Variants in SLC2A13 observed in about 807,000 individuals in gnomAD.
The protein encoded by SLC2A13 is proton myo-inositol cotransporter.
A neutral mutation model predicts 64.4 loss-of-function variants in SLC2A13; 32 were observed. The observed-to-expected ratio is 0.50, with a 90% CI of 0.37 to 0.67. The LOEUF is 0.67. Ranked by LOEUF, SLC2A13 falls within the 30% of genes least tolerant of loss-of-function variation. SLC2A13 has a pLI of 0.00. For synonymous variants in SLC2A13, 338 were observed against 327.1 expected (o/e 1.03, Z -0.36); for missense variants, 743 against 829.2 (o/e 0.90, Z 1.28).
At chr12:40,060,078 C>T (rs572176641) in intron 1 of SLC2A13, among the ~76,000 whole-genome samples, 20 of 151,510 alleles carry the variant, frequency 1.3e-4, no homozygotes, top group South Asian at 6.3e-4. Context: ...TATTAATGGA[C>T]GGATGGATGG....
intron 7 of SLC2A13, among the ~76,000 whole-genome samples, chr12:39,786,443 T>G (rs1167295196): frequency 2.1e-5 from 2 of 97,350 alleles, no homozygotes; most frequent in African/African-American, 7.8e-5. Context: ...TTCCCAGTTT[T>G]CAGTATGTCT....
chr12:39,932,619 C>T (rs989020671), intron 4 of SLC2A13, among the ~76,000 whole-genome samples: 31 of 151,874 alleles, frequency 2.0e-4, no homozygotes, highest in African/African-American at 5.8e-4. Flanking sequence ...ATAAACATGA[C>T]GGGAAAAAAT....
intron 3 of SLC2A13, among the ~76,000 whole-genome samples, chr12:40,001,735 G>T (rs530561672): frequency 1.4e-4 from 21 of 152,256 alleles, no homozygotes; most frequent in Middle Eastern, 3.4e-3. Context: ...GGATGTAAAA[G>T]TCTATAAATA....
chr12:39,925,377 T>C (rs1417715641), intron 4 of SLC2A13, among the ~76,000 whole-genome samples: 2 of 152,122 alleles, frequency 1.3e-5, no homozygotes, highest in Non-Finnish European at 2.9e-5. Flanking sequence ...AGTTAGAAAG[T>C]AGTAAGATGA....
chr12:39,832,836 T>C (rs78719252), intron 6 of SLC2A13, among the ~76,000 whole-genome samples: 361 of 152,208 alleles, frequency 2.4e-3, no homozygotes, highest in African/African-American at 8.4e-3. Context: ...TAGCCCTATA[T>C]GAATGCAAAC....
chr12:40,047,937 A>G (rs1472971725), intron 2 of SLC2A13, 114 bp downstream of exon 2: 1 of 988,838 alleles, frequency 1.0e-6, no homozygotes, highest in African/African-American at 1.6e-5. Flanking sequence ...CTACTTATAA[A>G]TTAGCAATAA....
chr12:39,790,341 G>T (rs1394562510), intron 7 of SLC2A13, among the ~76,000 whole-genome samples: 8 of 149,366 alleles, frequency 5.4e-5, no homozygotes, highest in South Asian at 2.1e-4. Context: ...TCTAGCATTA[G>T]GTATATCTCC....
At position 39,893,808 on chromosome 12, in the gene SLC2A13, C is replaced by A. The variant is rs535016121; in HGVS notation, c.1035-21847G>T. ...ACATTTTCTGCAATTTACTTTAAGC[C>A]CACAAAATAATATCCTCAGATTCTG... On this transcript the variant is annotated intron_variant, in intron 4 of 9. Coordinates refer to ENST00000280871, the MANE Select transcript of SLC2A13 (RefSeq NM_052885.4). Among the ~76,000 whole-genome samples, 11 of 152,202 alleles carry A rather than the reference C, an allele frequency of 7.2e-5. 1 individual carries two copies. In the South Asian group the frequency reaches 2.1e-3, roughly 29 times the overall value.
intron 3 of SLC2A13, among the ~76,000 whole-genome samples, chr12:39,993,527 A>G (rs917749760): frequency 2.0e-5 from 3 of 152,250 alleles, no homozygotes; most frequent in African/African-American, 7.2e-5. Flanking sequence ...AAAACTGCAG[A>G]ACAATGAGCT....
intron 4 of SLC2A13, among the ~76,000 whole-genome samples, chr12:39,896,602 A>C (rs1378159512): frequency 1.3e-5 from 2 of 151,254 alleles, no homozygotes; most frequent in Non-Finnish European, 3.0e-5. Context: ...ACATATATGT[A>C]TGTATATGTG....
chr12:39,872,447 G>A (rs1944082092), intron 4 of SLC2A13, among the ~76,000 whole-genome samples: 1 of 151,948 alleles, frequency 6.6e-6, no homozygotes, highest in Non-Finnish European at 1.5e-5. Flanking sequence ...AAGACACAAT[G>A]AGTAAGACAG....
At chr12:39,979,341 G>A (rs1310843528) in intron 3 of SLC2A13, among the ~76,000 whole-genome samples, 22 of 149,420 alleles carry the variant, frequency 1.5e-4, no homozygotes, top group African/African-American at 4.9e-4. Flanking sequence ...TTGATGAGCT[G>A]AGAGAAGAAG....
chr12:39,824,041 A>G (rs548595087), intron 7 of SLC2A13, among the ~76,000 whole-genome samples: 2 of 152,294 alleles, frequency 1.3e-5, no homozygotes, highest in African/African-American at 4.8e-5. Flanking sequence ...ACCCTTATAT[A>G]TTTTTATAAG....
At chr12:40,021,767 C>T (rs1158182288) in intron 3 of SLC2A13, among the ~76,000 whole-genome samples, 3 of 152,086 alleles carry the variant, frequency 2.0e-5, no homozygotes, top group African/African-American at 7.2e-5. Flanking sequence ...AAGCAAACTA[C>T]CAAATATATT....
intron 1 of SLC2A13, among the ~76,000 whole-genome samples, chr12:40,049,412 T>A: frequency 6.6e-6 from 1 of 152,100 alleles, no homozygotes; most frequent in East Asian, 1.9e-4. Context: ...AGAAACCTGT[T>A]GCTGTGTTTT....
intron 3 of SLC2A13, among the ~76,000 whole-genome samples, chr12:40,026,113 A>C (rs7306747): frequency 0.017 from 2,585 of 152,352 alleles, 67 homozygotes; most frequent in African/African-American, 0.059. Context: ...GCATTCATGC[A>C]ATAATGCTCT....
intron 1 of SLC2A13, among the ~76,000 whole-genome samples, chr12:40,079,500 G>C (rs910426041): frequency 1.3e-5 from 2 of 152,194 alleles, no homozygotes; most frequent in African/African-American, 4.8e-5. Context: ...GTTTGTTTTT[G>C]TTGAGAATTG....
In SLC2A13 at chr12:39,895,711, C is replaced by T. The variant is rs181448286; in HGVS notation, c.1035-23750G>A. On this transcript the variant is annotated intron_variant, in intron 4 of 9. Coordinates refer to ENST00000280871, the MANE Select transcript of SLC2A13 (RefSeq NM_052885.4). Reference sequence around the variant, plus strand: ...ATATGTATATGCGTGTATACGTACACACATATGTATATGCGTGTATACGTA... The same window carrying T: ...ATATGTATATGCGTGTATACGTACATACATATGTATATGCGTGTATACGTA... Among the ~76,000 whole-genome samples, 7 of 141,406 alleles carry T rather than the reference C, an allele frequency of 5.0e-5. 1 individual carries two copies. The highest frequency in any genetic ancestry group is 1.9e-4 in the African/African-American group (7 of 36,824). The allele number at this position is 141,406 out of a possible 152,430, so 92.8% of individuals were successfully genotyped here.
intron 6 of SLC2A13, among the ~76,000 whole-genome samples, chr12:39,832,286 A>C (rs985803946): frequency 2.6e-5 from 4 of 152,264 alleles, no homozygotes; most frequent in African/African-American, 9.6e-5. Flanking sequence ...TATTCTGCCC[A>C]TATGAAGTTA....
Sources: gnomAD v4.1 joint callset for allele counts (sites outside exome capture counted in the v4.1 genomes callset) on GRCh38, gnomAD v4.1.1 for gene constraint, MANE v1.5 for transcripts, NCBI Gene and HGNC (gene_info 2026-07-23, HGNC 2026-07-21) for gene names.